FASTKD2: variants seen among roughly 807,000 people sequenced by gnomAD.
The protein encoded by FASTKD2 is FAST kinase domain-containing protein 2, mitochondrial.
A neutral mutation model predicts 63.6 loss-of-function variants in FASTKD2; 51 were observed. The observed-to-expected ratio is 0.80, with a 90% confidence interval of 0.64 to 1.01. The LOEUF (loss-of-function observed/expected upper bound fraction) is 1.01, where lower values mean the gene tolerates loss of function less well. Among genes scored for constraint, FASTKD2 ranks in the 50% least tolerant of loss-of-function variants. The pLI is 0.00. For missense variants in FASTKD2, 786 were observed against 831.1 expected (o/e 0.95, Z 0.67); for synonymous variants, 284 against 293.4 (o/e 0.97, Z 0.33).
intron 7 of FASTKD2, among the ~76,000 whole-genome samples, chr2:206,782,560 C>A (rs1186920483): frequency 6.6e-6 from 1 of 152,200 alleles, no homozygotes; most frequent in Non-Finnish European, 1.5e-5. Context: ...CAGCTTCTTT[C>A]ATACCTCTGC....
intron 7 of FASTKD2, 140 bp downstream of exon 7, chr2:206,774,537 TACTC>T (rs1689772685): frequency 1.6e-6 from 1 of 640,396 alleles, no homozygotes; most frequent in African/African-American, 1.8e-5. Flanking sequence ...TAGTGTTCCT[TACTC>T]ATTTATAAGG....
chr2:206,766,820 C>T lies in FASTKD2; in HGVS notation c.127C>T (p.Leu43=). The T allele has an allele frequency of 6.2e-7, 1 of 1,612,054 alleles. No individual in the cohort carries two copies. Among genetic ancestry groups the T allele is most frequent in the Non-Finnish European group, 8.5e-7 (1 of 1,178,842 alleles). The change falls in exon 2 of 12, where the codon CTA becomes TTA. Residue 43 remains leucine (L), a synonymous_variant. Coordinates refer to ENST00000402774, the MANE Select transcript of FASTKD2 (RefSeq NM_001136193.2). ...TLVSTSRTMR[L]CCLGLCKPKI... ...AGTTTCAACAAGCAGAACTATGAGG[C>T]TATGTTGTTTGGGACTTTGCAAACC... is the stretch of plus-strand genomic sequence containing the variant.
At chr2:206,781,974 C>T (rs999954350) in intron 7 of FASTKD2, among the ~76,000 whole-genome samples, 1 of 152,192 alleles carries the variant, frequency 6.6e-6, no homozygotes, top group African/African-American at 2.4e-5. Context: ...TCATTTCCTC[C>T]TGAGGCTGAA....
At chr2:206,784,738 C>T (rs1482873149) in intron 7 of FASTKD2, among the ~76,000 whole-genome samples, 1 of 152,156 alleles carries the variant, frequency 6.6e-6, no homozygotes, top group Non-Finnish European at 1.5e-5. Flanking sequence ...TTTCTTGACT[C>T]ATCGTTTTCC....
Position 206,772,478 on chromosome 2 carries a change from G to A in FASTKD2, c.1254+158G>A, listed in dbSNP as rs977865922. Among the ~76,000 whole-genome samples, 5 of 152,276 alleles carry A rather than the reference G, an allele frequency of 3.3e-5. No homozygotes were observed. In the South Asian group the frequency reaches 1.0e-3, roughly 32 times the overall value. On this transcript the variant is annotated intron_variant, in intron 6 of 11. Coordinates refer to ENST00000402774, the MANE Select transcript of FASTKD2 (RefSeq NM_001136193.2). ...GAAAAATTAGCTCCTTATTATTCCTGTCTGGGGGCTACTTGCTAATATGAA... is the reference window on the plus strand; with the variant it reads ...GAAAAATTAGCTCCTTATTATTCCTATCTGGGGGCTACTTGCTAATATGAA...
rs1250845137 is a variant in FASTKD2 at position 206,786,835 on chromosome 2, C to A, written c.1530C>A (p.Tyr510Ter). The change falls in exon 8 of 12, where the codon TAC (tyrosine) becomes TAA (stop). Residue 510 changes from tyrosine to a stop codon, truncating the protein, a stop_gained. Transcript: ENST00000402774. LOFTEE classifies it high-confidence loss of function. ...DAVYSFCLMN[Y>*]FPLAPFNQLL... Reference sequence around the variant, plus strand: ...TATATTCATTTTGCTTGATGAATTACTTTCCCCTGGCTCCTTTTAATCAGC... The same window carrying A: ...TATATTCATTTTGCTTGATGAATTAATTTCCCCTGGCTCCTTTTAATCAGC... The A allele has an allele frequency of 1.2e-6, 2 of 1,613,204 alleles. No homozygotes were observed. The highest frequency in any genetic ancestry group is 3.3e-4 in the Middle Eastern group (2 of 6,080).
Position 206,767,244 on chromosome 2 carries a change from AT to A in FASTKD2, c.554del (p.Phe185SerfsTer22). ...SKAPTFPSSN[Y>X]FTAMWTIAKR... is the part of the protein sequence containing the mutation. ...GCGCCCACATTTCCTAGTAGCAACT[AT>A]TTCACAGCAATGTGGACAATTGCCA... On this transcript the variant is annotated frameshift_variant, in exon 2 of 12. Coordinates refer to ENST00000402774, the MANE Select transcript of FASTKD2 (RefSeq NM_001136193.2). LOFTEE classifies it high-confidence loss of function. 6.2e-7 allele frequency: 1 copy of A among 1,614,230 alleles called. No homozygotes were observed. Among genetic ancestry groups the A allele is most frequent in the East Asian group, 2.2e-5 (1 of 44,884 alleles).
intron 7 of FASTKD2, among the ~76,000 whole-genome samples, chr2:206,783,956 A>T (rs575783192): frequency 6.6e-6 from 1 of 152,152 alleles, no homozygotes; most frequent in African/African-American, 2.4e-5. Context: ...ACATCCTACT[A>T]TGCAGAAGAT....
chr2:206,772,335 A>C lies in FASTKD2; in HGVS notation c.1254+15A>C. The C allele has an allele frequency of 6.2e-7, 1 of 1,611,966 alleles. No individual in the cohort carries two copies. The highest frequency in any genetic ancestry group is 8.5e-7 in the Non-Finnish European group (1 of 1,178,110). On this transcript the variant is annotated intron_variant, in intron 6 of 11. Coordinates refer to ENST00000402774, the MANE Select transcript of FASTKD2 (RefSeq NM_001136193.2). Reference sequence around the variant, plus strand: ...AGTTCAGAAAAGTGAGTACATTAACAATTTAGAATAAGCCTCACAAACTTT... The same window carrying C: ...AGTTCAGAAAAGTGAGTACATTAACCATTTAGAATAAGCCTCACAAACTTT...
In FASTKD2 at chr2:206,766,636, C is replaced by G. The variant is rs1317743406; in HGVS notation, c.-50-8C>G. 7.3e-7 allele frequency: 1 copy of G among 1,365,622 alleles called. No homozygotes were observed. The highest frequency in any genetic ancestry group is 1.0e-6 in the Non-Finnish European group (1 of 954,884). 84.6% of individuals were successfully genotyped at this position (1,365,622 alleles called of 1,614,324 possible). A position where few individuals can be genotyped will look rare whatever the true frequency, so the allele number is the denominator to read the frequency against. ...TTTTTATTCTTTTCATTACTTCTTC[C>G]CCTACAGGAAAACGACAGCACGTGT... is the stretch of plus-strand genomic sequence containing the variant. On this transcript the variant is annotated splice_polypyrimidine_tract_variant and splice_region_variant and intron_variant, in intron 1 of 11. Transcript: ENST00000402774.
At chr2:206,786,632 A>C in intron 7 of FASTKD2, 101 bp from the exon 8 acceptor site, 1 of 979,216 alleles carries the variant, frequency 1.0e-6, no homozygotes, top group East Asian at 2.4e-5. Flanking sequence ...ATGTGTGGAT[A>C]CTTACTTGCA....
intron 6 of FASTKD2, among the ~76,000 whole-genome samples, chr2:206,772,535 AT>A (rs1203308658): frequency 1.3e-5 from 2 of 152,152 alleles, no homozygotes; most frequent in African/African-American, 4.8e-5. Flanking sequence ...TTGACTTAAT[AT>A]TTTTTGACTG....
At chr2:206,786,465 T>G (rs761101925) in intron 7 of FASTKD2, 5 of 404,000 alleles carry the variant, frequency 1.2e-5, no homozygotes, top group Non-Finnish European at 2.3e-5. Flanking sequence ...ACCCATTTTT[T>G]TAAATGAGGA....
At chr2:206,768,166 A>G (rs1240959380) in intron 2 of FASTKD2, among the ~76,000 whole-genome samples, 1 of 152,244 alleles carries the variant, frequency 6.6e-6, no homozygotes, top group Admixed American at 6.5e-5. Context: ...AATCCGTTGA[A>G]GAATTTTAAG....
At chr2:206,772,894 T>C (rs1689722441) in intron 6 of FASTKD2, among the ~76,000 whole-genome samples, 1 of 152,222 alleles carries the variant, frequency 6.6e-6, no homozygotes. Flanking sequence ...TGACTTAAAA[T>C]ATTTTCAATT....
intron 10 of FASTKD2, 55 bp downstream of exon 10, chr2:206,788,958 A>G (rs751756904): frequency 1.1e-6 from 1 of 926,940 alleles, no homozygotes; most frequent in South Asian, 1.3e-5. Context: ...CCTAATTCTA[A>G]AAGACTTCAT....
chr2:206,793,172 A>T lies in FASTKD2; in HGVS notation c.*1370A>T, dbSNP rs1240190111. The stretch of plus-strand genomic sequence containing the variant: ...GGGAGGTGGAGATTGCAGTGAGCCA[A>T]GATGGTCCTGCTGCACTCCAGCCTG... On this transcript the variant is annotated 3_prime_UTR_variant, in exon 12 of 12. Transcript: ENST00000402774. Among the ~76,000 whole-genome samples the T allele has an allele frequency of 6.9e-6, 1 of 145,546 alleles. No homozygotes were observed. The highest frequency in any genetic ancestry group is 2.1e-4 in the East Asian group (1 of 4,830).
In FASTKD2 at chr2:206,788,878, A is replaced by G. The variant is rs551162471; in HGVS notation, c.1873A>G (p.Thr625Ala). The part of the protein sequence containing the change: ...NQVLPLSDVD[T>A]TSATDIQRVA... ...AGTGCTACCACTTTCTGATGTGGATACAACTTCTGCTACAGATATTCAAAG... is the reference window on the plus strand; with the variant it reads ...AGTGCTACCACTTTCTGATGTGGATGCAACTTCTGCTACAGATATTCAAAG... Residue 625 changes from threonine (T) to alanine (A), a missense_variant, in exon 10 of 12, where the codon ACA becomes GCA. Transcript: ENST00000402774. 17 of 1,570,318 alleles carry G rather than the reference A, an allele frequency of 1.1e-5. No homozygotes were observed. The African/African-American group carries it at 1.9e-4, about 17-fold the overall frequency.
Position 206,771,913 on chromosome 2 carries a change from T to TA in FASTKD2, c.1011dup (p.Asp338ArgfsTer8). On this transcript the variant is annotated frameshift_variant, in exon 5 of 12. Coordinates refer to ENST00000402774, the MANE Select transcript of FASTKD2 (RefSeq NM_001136193.2). LOFTEE classifies it high-confidence loss of function. ...CTTTAGATGAAAGCCTTGAGGGAAT[T>TA]AGACAGATTTTCTGTTTTGAATAGC... The TA allele has an allele frequency of 2.5e-6, 4 of 1,606,026 alleles. No homozygotes were observed. The highest frequency in any genetic ancestry group is 3.4e-6 in the Non-Finnish European group (4 of 1,172,668).
Sources: gnomAD v4.1 joint callset for allele counts (sites outside exome capture counted in the v4.1 genomes callset) on GRCh38, gnomAD v4.1.1 for gene constraint, MANE v1.5 for transcripts, NCBI Gene and HGNC (gene_info 2026-07-23, HGNC 2026-07-21) for gene names.